MACROD1: variants seen among roughly 807,000 people sequenced by gnomAD.
MACROD1 encodes mono-ADP ribosylhydrolase 1.
A neutral mutation model predicts 41.4 loss-of-function variants in MACROD1; 31 were observed. The ratio of observed to expected loss-of-function variants is 0.75; its 90% CI spans 0.56 to 1.01. MACROD1 has a LOEUF of 1.01. Among genes scored for constraint, MACROD1 ranks in the 50% least tolerant of loss-of-function variants. The probability of loss-of-function intolerance (pLI) is 0.00; values close to 1 mark genes in which losing one functional copy is unlikely to be tolerated. For synonymous variants in MACROD1, 252 were observed against 203.4 expected, an observed-to-expected ratio of 1.24 and a Z score of -2.03; for missense variants, 473 against 460.0, an observed-to-expected ratio of 1.03 and a Z score of -0.26.
chr11:64,056,189 G>A (rs1308924116), intron 3 of MACROD1, among the ~76,000 whole-genome samples: 3 of 152,140 alleles, frequency 2.0e-5, no homozygotes, highest in African/African-American at 7.2e-5. Flanking sequence ...AGGCAAAAAT[G>A]CCTGGGTGTC....
Position 64,096,743 on chromosome 11 carries a change from C to T in MACROD1, c.517+54496G>A, listed in dbSNP as rs1344805512. On this transcript the variant is annotated intron_variant, in intron 3 of 10. Transcript: ENST00000255681. This position sits in a 1 kb window ranked among gnomAD's most constrained non-coding sequence, Gnocchi z 4.6. ...TCTCCCCCTTTTGTGCCTAGAGTTG[C>T]TCTGTGAAGGGGCAGGCTCTGGCCG... Among the ~76,000 whole-genome samples the T allele has an allele frequency of 6.6e-6, 1 of 152,182 alleles. No individual in the cohort carries two copies. Among genetic ancestry groups the T allele is most frequent in the Admixed American group, 6.5e-5 (1 of 15,280 alleles).
intron 3 of MACROD1, among the ~76,000 whole-genome samples, chr11:64,149,204 C>T (rs192671183): frequency 7.9e-5 from 12 of 152,136 alleles, no homozygotes; most frequent in Admixed American, 5.9e-4. Context: ...AGCACCAGTG[C>T]GAGGTGCTGA....
At chr11:64,055,253 G>A (rs1442841311) in intron 3 of MACROD1, among the ~76,000 whole-genome samples, 1 of 152,204 alleles carries the variant, frequency 6.6e-6, no homozygotes, top group South Asian at 2.1e-4. Flanking sequence ...GCTTTGCCTC[G>A]AATTTGCCTT....
At chr11:64,061,182 G>C (rs1017291433) in intron 3 of MACROD1, among the ~76,000 whole-genome samples, 1 of 152,252 alleles carries the variant, frequency 6.6e-6, no homozygotes, top group Non-Finnish European at 1.5e-5. Context: ...GTATGGATTT[G>C]CCAGTAAATA....
At chr11:64,101,678 G>A (rs777964524) in intron 3 of MACROD1, among the ~76,000 whole-genome samples, 38 of 152,304 alleles carry the variant, frequency 2.5e-4, no homozygotes, top group Admixed American at 5.9e-4. Context: ...ATAAGGGCTC[G>A]TGCTAGAGCC....
Position 64,151,223 on chromosome 11 carries a change from C to T in MACROD1, c.517+16G>A. 2.5e-6 allele frequency: 4 copies of T among 1,606,474 alleles called. No homozygotes were observed. Among genetic ancestry groups the T allele is most frequent in the Non-Finnish European group, 3.4e-6 (4 of 1,175,370 alleles). On this transcript the variant is annotated intron_variant, in intron 3 of 10. Coordinates refer to ENST00000255681, the MANE Select transcript of MACROD1 (RefSeq NM_014067.4). ...CAGGGCGGCCACCAGGTCTCTGGTT[C>T]AGGCCAGCCACTCACCGGCGTTGAC...
intron 3 of MACROD1, among the ~76,000 whole-genome samples, chr11:64,039,335 C>A (rs983495338): frequency 5.9e-5 from 9 of 152,168 alleles, no homozygotes; most frequent in Non-Finnish European, 1.3e-4. Flanking sequence ...GAGGAGAGCG[C>A]CAGCCTCTGG....
Position 64,025,708 on chromosome 11 carries a change from G to GCC in MACROD1, c.518-10429_518-10428dup, listed in dbSNP as rs756280379. Among the ~76,000 whole-genome samples the GCC allele has an allele frequency of 1.7e-5, 2 of 117,400 alleles. 1 individual carries two copies. The allele number at this position is 117,400 out of a possible 152,430, so 77.0% of individuals were successfully genotyped here. On this transcript the variant is annotated intron_variant, in intron 3 of 10. Transcript: ENST00000255681. ...GGGCAGGCCCACACTGCTCTCATGGGCCCCCCCCGCTCCTTTTTTTTTTTT... is the reference window on the plus strand; with the variant it reads ...GGGCAGGCCCACACTGCTCTCATGGGCCCCCCCCCCGCTCCTTTTTTTTTTTT...
intron 3 of MACROD1, among the ~76,000 whole-genome samples, chr11:64,141,912 G>A (rs1469654483): frequency 1.3e-5 from 2 of 152,188 alleles, no homozygotes; most frequent in Admixed American, 1.3e-4. Context: ...CCTGCTGTGT[G>A]ACCCTGAACA....
chr11:64,040,489 T>TCA (rs1943464136), intron 3 of MACROD1, among the ~76,000 whole-genome samples: 1 of 152,092 alleles, frequency 6.6e-6, no homozygotes, highest in Non-Finnish European at 1.5e-5. Flanking sequence ...CCCAGCTCTC[T>TCA]CAGGATTCCT....
At chr11:64,108,759 C>T (rs1264456583) in intron 3 of MACROD1, among the ~76,000 whole-genome samples, 2 of 152,314 alleles carry the variant, frequency 1.3e-5, no homozygotes, top group Admixed American at 6.5e-5. Context: ...AGGGGAGACA[C>T]ATGAATTATT....
intron 3 of MACROD1, among the ~76,000 whole-genome samples, chr11:64,051,672 G>A (rs1943698371): frequency 1.3e-5 from 2 of 152,292 alleles, no homozygotes; most frequent in Admixed American, 6.5e-5. Flanking sequence ...CCGAGCTCAC[G>A]GCCCGGAGCT....
intron 3 of MACROD1, among the ~76,000 whole-genome samples, chr11:64,019,053 G>A (rs982651687): frequency 6.6e-6 from 1 of 152,166 alleles, no homozygotes; most frequent in African/African-American, 2.4e-5. Flanking sequence ...CCTGGACCTG[G>A]GAGCTTGGAG....
intron 3 of MACROD1, among the ~76,000 whole-genome samples, chr11:64,053,146 C>T (rs1040327148): frequency 3.9e-5 from 6 of 152,150 alleles, no homozygotes; most frequent in African/African-American, 7.2e-5. Flanking sequence ...CAGGCTCATG[C>T]GGGCCCCAGA....
intron 1 of MACROD1, among the ~76,000 whole-genome samples, chr11:64,161,739 G>C (rs1357768213): frequency 1.3e-5 from 2 of 152,226 alleles, no homozygotes; most frequent in African/African-American, 2.4e-5. Flanking sequence ...TTTGAGACCA[G>C]CCTGGGTAAC....
At chr11:64,117,948 G>A in intron 3 of MACROD1, 1 of 1,613,690 alleles carries the variant, frequency 6.2e-7, no homozygotes, top group Admixed American at 1.7e-5. Context: ...CGGCGGGGCA[G>A]TGGCTCTGGT....
intron 3 of MACROD1, among the ~76,000 whole-genome samples, chr11:64,128,378 C>G (rs567732265): frequency 6.6e-6 from 1 of 152,298 alleles, no homozygotes; most frequent in East Asian, 1.9e-4. Context: ...GCCTGCTATG[C>G]TCTGGGGCTG....
rs566931945 is a variant in MACROD1, at chr11:64,058,571, G to A, written c.518-43290C>T. The stretch of plus-strand genomic sequence containing the variant: ...AGATGCCACGAGGACACTGAAGAGG[G>A]GGTGGTGGAGGAGCCGGCAGCTGCC... On this transcript the variant is annotated intron_variant, in intron 3 of 10. Coordinates refer to ENST00000255681, the MANE Select transcript of MACROD1 (RefSeq NM_014067.4). 7.9e-5 allele frequency among the ~76,000 whole-genome samples: 12 copies of A among 152,394 alleles called. No homozygotes were observed. In the South Asian group the frequency reaches 2.3e-3, roughly 29 times the overall value.
chr11:64,135,995 C>T lies in MACROD1; in HGVS notation c.517+15244G>A, dbSNP rs561110019. Among the ~76,000 whole-genome samples the T allele has an allele frequency of 9.5e-4, 145 of 152,356 alleles. 1 individual carries two copies. The highest frequency in any genetic ancestry group is 4.1e-4 in the South Asian group (2 of 4,828). On this transcript the variant is annotated intron_variant, in intron 3 of 10. Transcript: ENST00000255681. ...CGCAGGGGATGGCCCATGCTGTGGG[C>T]GGCCCGATGGACGTCCTAGGCAGCC...
Sources: allele counts gnomAD v4.1 joint callset (sites outside exome capture counted in the v4.1 genomes callset), GRCh38; gene constraint gnomAD v4.1.1; non-coding constraint Gnocchi (gnomAD v3.1); transcripts MANE v1.5; gene names NCBI Gene and HGNC (gene_info 2026-07-23, HGNC 2026-07-21).